FAIM2: variants seen among roughly 807,000 people sequenced by gnomAD.
FAIM2 encodes Fas apoptotic inhibitory molecule 2.
In FAIM2, 27 loss-of-function variants were observed where a neutral mutation model predicts 47.4. That is an observed-to-expected ratio of 0.57 (90% CI 0.42 to 0.78). The LOEUF (loss-of-function observed/expected upper bound fraction) is 0.78. Among genes scored for constraint, FAIM2 ranks in the 30% least tolerant of loss-of-function variants. The probability of loss-of-function intolerance (pLI) is 0.00; values close to 1 mark genes in which losing one functional copy is unlikely to be tolerated. For synonymous variants in FAIM2, 156 were observed against 159.3 expected (o/e 0.98, Z 0.16); for missense variants, 311 against 389.4 (o/e 0.80, Z 1.69).
Position 49,903,861 on chromosome 12 carries a change from G to C in FAIM2, c.-69C>G. 4.8e-6 allele frequency: 7 copies of C among 1,451,446 alleles called. No individual in the cohort carries two copies. The South Asian group carries it at 6.9e-5, about 14-fold the overall frequency. The allele number at this position is 1,451,446 out of a possible 1,614,324, so 89.9% of individuals were successfully genotyped here. ...GCTTGGGTAACCGCAGCCTGCCTGC[G>C]TCTCTTCCTTCCTCCGCGTGGGTTC... On this transcript the variant is annotated 5_prime_UTR_variant, in exon 1 of 12. Transcript: ENST00000320634.
chr12:49,880,557 TGTGC>T (rs1946812123), intron 11 of FAIM2, among the ~76,000 whole-genome samples: 1 of 10,058 alleles, frequency 9.9e-5, no homozygotes, highest in African/African-American at 1.1e-3. Flanking sequence ...CATGCGTGTG[TGTGC>T]ATGTGTGTAT....
At chr12:49,884,837 G>A (rs531595064) in intron 11 of FAIM2, among the ~76,000 whole-genome samples, 25 of 152,362 alleles carry the variant, frequency 1.6e-4, no homozygotes, top group African/African-American at 5.8e-4. Flanking sequence ...AGCAGGGCAT[G>A]GTGGCGGGCA....
chr12:49,880,474 G>GTA (rs1453348793), intron 11 of FAIM2, among the ~76,000 whole-genome samples: 3 of 139,008 alleles, frequency 2.2e-5, no homozygotes, highest in African/African-American at 8.1e-5. Flanking sequence ...GTGTGCATGA[G>GTA]TGCATGTGTA....
At chr12:49,899,554 G>GC (rs1321094149) in intron 2 of FAIM2, among the ~76,000 whole-genome samples, 2 of 152,168 alleles carry the variant, frequency 1.3e-5, no homozygotes, top group African/African-American at 2.4e-5. Context: ...TTGCCTGTGA[G>GC]CCCCTGCACA....
intron 1 of FAIM2, among the ~76,000 whole-genome samples, chr12:49,903,532 T>C (rs538823067): frequency 8.2e-4 from 125 of 152,296 alleles, no homozygotes; most frequent in Non-Finnish European, 2.6e-4. Context: ...AGCCTTGTAA[T>C]GCTGTAATGC....
rs946313544 is a variant in FAIM2, at chr12:49,891,092, G to A, written c.457C>T (p.Leu153=). 19 of 1,614,060 alleles carry A rather than the reference G, an allele frequency of 1.2e-5. No homozygotes were observed. The highest frequency in any genetic ancestry group is 1.5e-5 in the Non-Finnish European group (18 of 1,180,022). ...ASYAVFFATY[L]TLACCSGPRR... ...GGTCCAGAACAGCAAGCCAGGGTCA[G>A]GTAGGTTGCAAAGAACACAGCACTG... is the stretch of plus-strand genomic sequence containing the variant. Residue 153 remains leucine, a synonymous_variant, in exon 6 of 12, where the codon CTG becomes TTG. Coordinates refer to ENST00000320634, the MANE Select transcript of FAIM2 (RefSeq NM_012306.4).
At chr12:49,889,331 T>TC in intron 9 of FAIM2, 129 bp from the exon 10 acceptor site, 1 of 941,222 alleles carries the variant, frequency 1.1e-6, no homozygotes, top group Admixed American at 2.0e-5. Context: ...CTTCCCCTCC[T>TC]CCCCCTCATC....
At chr12:49,882,074 C>G (rs1946829640) in intron 11 of FAIM2, among the ~76,000 whole-genome samples, 1 of 152,212 alleles carries the variant, frequency 6.6e-6, no homozygotes, top group South Asian at 2.1e-4. Flanking sequence ...GGGCCTCCTC[C>G]TACACTTCTC....
intron 11 of FAIM2, among the ~76,000 whole-genome samples, chr12:49,879,097 TG>T (rs1211612745): frequency 1.5e-5 from 2 of 137,460 alleles, no homozygotes; most frequent in Non-Finnish European, 3.1e-5. Context: ...TGTGTGCATG[TG>T]AGTGTATGTA....
intron 11 of FAIM2, among the ~76,000 whole-genome samples, chr12:49,878,965 CGTATGT>C (rs1268967319): frequency 4.2e-5 from 5 of 119,236 alleles, no homozygotes; most frequent in Non-Finnish European, 8.6e-5. Flanking sequence ...TGTATATGTG[CGTATGT>C]GTATATGTAT....
chr12:49,890,618 C>T, intron 7 of FAIM2, 65 bp downstream of exon 7: 1 of 1,498,698 alleles, frequency 6.7e-7, no homozygotes, highest in Non-Finnish European at 9.3e-7. Context: ...CCTCAATCCA[C>T]CCTGCTTCCC....
Position 49,875,691 on chromosome 12 carries a change from G to C in FAIM2, c.802-5038C>G, listed in dbSNP as rs1013869674. On this transcript the variant is annotated intron_variant, in intron 11 of 11. Transcript: ENST00000320634. ...CGATTATCTATCAACTTTTTAAAAA[G>C]TGGGCCAGGTGCGGTGGTTCATCCA... 2.0e-5 allele frequency among the ~76,000 whole-genome samples: 3 copies of C among 152,276 alleles called. No individual in the cohort carries two copies. In the East Asian group the frequency reaches 5.8e-4, roughly 29 times the overall value.
At chr12:49,900,600 G>C (rs1412283730) in intron 2 of FAIM2, among the ~76,000 whole-genome samples, 4 of 152,116 alleles carry the variant, frequency 2.6e-5, no homozygotes, top group African/African-American at 4.8e-5. Flanking sequence ...TCGGGGAAGG[G>C]AACAGATATG....
At chr12:49,892,970 C>T (rs1384857332) in intron 5 of FAIM2, among the ~76,000 whole-genome samples, 3 of 152,188 alleles carry the variant, frequency 2.0e-5, no homozygotes, top group Admixed American at 2.0e-4. Flanking sequence ...TCTCACTCTG[C>T]TACACCCAAT....
chr12:49,871,587 G>T (rs982066392), intron 11 of FAIM2, among the ~76,000 whole-genome samples: 4 of 152,214 alleles, frequency 2.6e-5, no homozygotes, highest in Admixed American at 2.6e-4. Context: ...GGAGAAAGAG[G>T]CCAAAAAGTC....
rs12300071 is a variant in FAIM2 at position 49,867,862 on chromosome 12, T to G, written c.*2642A>C. The G allele has an allele frequency of 2.6e-3, 394 of 152,492 alleles. 3 individuals are homozygous for G. The highest frequency in any genetic ancestry group is 8.6e-3 in the African/African-American group (358 of 41,574). The allele number at this position is 152,492 out of a possible 1,614,324, so 9.4% of individuals were successfully genotyped here. A position where few individuals can be genotyped will look rare whatever the true frequency, so the allele number is the denominator to read the frequency against. On this transcript the variant is annotated 3_prime_UTR_variant, in exon 12 of 12. Coordinates refer to ENST00000320634, the MANE Select transcript of FAIM2 (RefSeq NM_012306.4). ...AGATGGAACGCATAGACTTTGGCCC[T>G]GACCCTGCTGCCTACACTGTGGTAC...
At chr12:49,900,898 C>T (rs1592796129) in intron 2 of FAIM2, among the ~76,000 whole-genome samples, 1 of 152,190 alleles carries the variant, frequency 6.6e-6, no homozygotes, top group African/African-American at 2.4e-5. Flanking sequence ...AAAAAAATGC[C>T]CTCTTCCCTA....
intron 3 of FAIM2, 89 bp downstream of exon 3, chr12:49,897,898 C>T: frequency 1.0e-6 from 1 of 999,580 alleles, no homozygotes; most frequent in Non-Finnish European, 1.6e-6. Flanking sequence ...GCAGGGATGG[C>T]TTCTGCAGGC....
At chr12:49,872,194 G>A (rs1946707956) in intron 11 of FAIM2, among the ~76,000 whole-genome samples, 1 of 152,168 alleles carries the variant, frequency 6.6e-6, no homozygotes, top group Non-Finnish European at 1.5e-5. Flanking sequence ...ACACTTATAG[G>A]TCATTACAAG....
Sources: allele counts gnomAD v4.1 joint callset (sites outside exome capture counted in the v4.1 genomes callset), GRCh38; gene constraint gnomAD v4.1.1; transcripts MANE v1.5; gene names NCBI Gene and HGNC (gene_info 2026-07-23, HGNC 2026-07-21).